HCN1: variants seen among roughly 807,000 people sequenced by gnomAD.
The protein encoded by HCN1 is potassium/sodium hyperpolarization-activated cyclic nucleotide-gated channel 1.
Under a neutral mutation model 78.9 loss-of-function variants are expected in HCN1, and 13 were observed. That is an observed-to-expected ratio of 0.16 (90% CI 0.11 to 0.26). The LOEUF (loss-of-function observed/expected upper bound fraction) is 0.26, where lower values mean the gene tolerates loss of function less well. Among genes scored for constraint, HCN1 ranks in the 10% least tolerant of loss-of-function variants. The probability of loss-of-function intolerance (pLI) is 1.00; values close to 1 mark genes in which losing one functional copy is unlikely to be tolerated. For missense variants in HCN1, 810 were observed against 1,154.3 expected (o/e 0.70, Z 4.32); for synonymous variants, 552 against 455.5 (o/e 1.21, Z -2.70).
chr5:45,692,476 T>C (rs549944433), intron 1 of HCN1, among the ~76,000 whole-genome samples: 1 of 152,328 alleles, frequency 6.6e-6, no homozygotes, highest in South Asian at 2.1e-4. Context: ...GGTGCTTATA[T>C]ACCACAGCAT....
chr5:45,451,809 G>A (rs1444138801), intron 3 of HCN1, among the ~76,000 whole-genome samples: 3 of 151,956 alleles, frequency 2.0e-5, no homozygotes, highest in Non-Finnish European at 1.5e-5. Flanking sequence ...CATTTGGTAT[G>A]TAGTTAAAAT....
intron 5 of HCN1, among the ~76,000 whole-genome samples, chr5:45,333,265 C>T (rs1473249598): frequency 1.3e-5 from 2 of 151,438 alleles, no homozygotes; most frequent in Admixed American, 6.6e-5. Context: ...TTCATATGCC[C>T]GTTTGCCATT....
intron 5 of HCN1, among the ~76,000 whole-genome samples, chr5:45,345,818 C>A (rs996093777): frequency 6.6e-6 from 1 of 152,200 alleles, no homozygotes; most frequent in Non-Finnish European, 1.5e-5. Flanking sequence ...TGCCTGTTAC[C>A]CAGTTCCAAA....
intron 2 of HCN1, among the ~76,000 whole-genome samples, chr5:45,549,749 C>T (rs1441931833): frequency 8.5e-5 from 13 of 152,276 alleles, no homozygotes; most frequent in African/African-American, 2.9e-4. Context: ...ATCTACTCAT[C>T]TGACAAAGGG....
chr5:45,293,247 T>A (rs2111888267), intron 6 of HCN1, among the ~76,000 whole-genome samples: 1 of 152,150 alleles, frequency 6.6e-6, no homozygotes, highest in South Asian at 2.1e-4. Flanking sequence ...CTCCACAACC[T>A]CACCAGTATC....
intron 4 of HCN1, among the ~76,000 whole-genome samples, chr5:45,374,290 T>TAG (rs71000631): frequency 7.8e-6 from 1 of 128,790 alleles, no homozygotes; most frequent in African/African-American, 3.0e-5. Flanking sequence ...ATTATATACA[T>TAG]TATATATATT....
At chr5:45,294,130 A>C (rs1457307317) in intron 6 of HCN1, among the ~76,000 whole-genome samples, 1 of 152,034 alleles carries the variant, frequency 6.6e-6, no homozygotes, top group Non-Finnish European at 1.5e-5. Context: ...GAGGTTAAAC[A>C]AATATAATAT....
chr5:45,552,316 A>T (rs1272005367), intron 2 of HCN1, among the ~76,000 whole-genome samples: 1 of 151,964 alleles, frequency 6.6e-6, no homozygotes, highest in East Asian at 1.9e-4. Context: ...TTGTTTACAT[A>T]GTATACCTTA....
chr5:45,581,002 G>A (rs1363418538), intron 2 of HCN1, among the ~76,000 whole-genome samples: 2 of 152,154 alleles, frequency 1.3e-5, no homozygotes, highest in Non-Finnish European at 2.9e-5. Flanking sequence ...GAACATACGT[G>A]TGCATGTGTC....
Position 45,353,302 on chromosome 5 carries a change from T to A in HCN1, c.1231-56A>T. On this transcript the variant is annotated intron_variant, in intron 4 of 7. Transcript: ENST00000303230. ...AAACATTGTTAGGGTGTATCAGAAA[T>A]CATATTATTTTGTTTTGCTATATTC... The A allele has an allele frequency of 3.8e-6, 5 of 1,306,790 alleles. 1 individual carries two copies. The highest frequency in any genetic ancestry group is 2.5e-4 in the Middle Eastern group (1 of 4,058). The allele number at this position is 1,306,790 out of a possible 1,614,324, so 80.9% of individuals were successfully genotyped here. A position where few individuals can be genotyped will look rare whatever the true frequency, so the allele number is the denominator to read the frequency against.
intron 6 of HCN1, among the ~76,000 whole-genome samples, chr5:45,295,513 C>T (rs1035185033): frequency 3.9e-5 from 6 of 151,918 alleles, no homozygotes; most frequent in Admixed American, 6.6e-5. Flanking sequence ...TCACATGCCT[C>T]ACCAAAAAGT....
At chr5:45,451,061 A>T (rs779796537) in intron 3 of HCN1, among the ~76,000 whole-genome samples, 1 of 152,170 alleles carries the variant, frequency 6.6e-6, no homozygotes, top group Non-Finnish European at 1.5e-5. Flanking sequence ...ATTCCTGTAC[A>T]ACACTAAATC....
At chr5:45,580,320 T>C (rs1405574643) in intron 2 of HCN1, among the ~76,000 whole-genome samples, 3 of 152,042 alleles carry the variant, frequency 2.0e-5, no homozygotes, top group African/African-American at 4.8e-5. Flanking sequence ...GTGACTAGAA[T>C]TAAATCAGAG....
intron 1 of HCN1, among the ~76,000 whole-genome samples, chr5:45,684,861 CA>C: frequency 6.6e-6 from 1 of 152,168 alleles, no homozygotes; most frequent in South Asian, 2.1e-4. Context: ...GACTCTGTCT[CA>C]AAAAACAAAT....
intron 2 of HCN1, among the ~76,000 whole-genome samples, chr5:45,498,921 T>G (rs566687644): frequency 6.6e-5 from 10 of 152,148 alleles, no homozygotes; most frequent in Non-Finnish European, 1.5e-5. Context: ...GGACCCACTT[T>G]AGGAGGCAGT....
intron 2 of HCN1, among the ~76,000 whole-genome samples, chr5:45,545,821 C>T (rs1339582141): frequency 3.3e-5 from 5 of 151,988 alleles, no homozygotes; most frequent in African/African-American, 1.2e-4. Context: ...TCTTGAGACA[C>T]TCTTCCCCTT....
chr5:45,358,051 A>C (rs1054340389), intron 4 of HCN1, among the ~76,000 whole-genome samples: 2 of 152,030 alleles, frequency 1.3e-5, no homozygotes, highest in African/African-American at 4.8e-5. Flanking sequence ...GCCCTCACCA[A>C]TACTGATGCC....
chr5:45,559,754 G>C (rs1743556264), intron 2 of HCN1: 1 of 152,204 alleles, frequency 6.6e-6, no homozygotes, highest in Non-Finnish European at 1.5e-5. Flanking sequence ...GGCAGTGTTT[G>C]AGAATACTGA....
At chr5:45,457,084 A>G (rs1741044410) in intron 3 of HCN1, among the ~76,000 whole-genome samples, 1 of 152,096 alleles carries the variant, frequency 6.6e-6, no homozygotes, top group East Asian at 1.9e-4. Context: ...GATTGCTAGT[A>G]GAAAACATGG....
Sources: gnomAD v4.1 joint callset for allele counts (sites outside exome capture counted in the v4.1 genomes callset) on GRCh38, gnomAD v4.1.1 for gene constraint, MANE v1.5 for transcripts, NCBI Gene and HGNC (gene_info 2026-07-23, HGNC 2026-07-21) for gene names.